The following OVCH1 variants were observed in gnomAD, a reference collection of about 807,000 sequenced individuals.
OVCH1 encodes the protein ovochymase 1.
Under a neutral mutation model 138.4 loss-of-function variants are expected in OVCH1, and 139 were observed. The observed-to-expected ratio is 1.00, with a 90% CI of 0.87 to 1.16. OVCH1 has a LOEUF of 1.16. Among genes scored for constraint, OVCH1 ranks in the 50% most tolerant of loss-of-function variants. OVCH1 has a pLI of 0.00. For synonymous variants in OVCH1, 453 were observed against 467.8 expected, an observed-to-expected ratio of 0.97 and a Z score of 0.41; for missense variants, 1,367 against 1,357.9, an observed-to-expected ratio of 1.01 and a Z score of -0.11.
At chr12:29,459,865 T>C (rs1942074368) in intron 19 of OVCH1, among the ~76,000 whole-genome samples, 1 of 152,226 alleles carries the variant, frequency 6.6e-6, no homozygotes, top group Non-Finnish European at 1.5e-5. Context: ...GAAAACCCCA[T>C]GTCTCTGCAT....
exon 4 of OVCH1, chr12:29,495,457 C>T: frequency 1.2e-6 from 2 of 1,610,766 alleles, no homozygotes; most frequent in South Asian, 2.2e-5. Flanking sequence ...TCAGCTGCTT[C>T]CTAAAACCAA....
At chr12:29,494,861 T>C (rs1647483323) in intron 4 of OVCH1, among the ~76,000 whole-genome samples, 1 of 152,084 alleles carries the variant, frequency 6.6e-6, no homozygotes, top group Admixed American at 6.6e-5. Flanking sequence ...CGGATACAAA[T>C]ATACACTTAG....
chr12:29,472,938 T>C (rs1942564535), intron 15 of OVCH1, 91 bp downstream of exon 15: 3 of 1,097,968 alleles, frequency 2.7e-6, no homozygotes, highest in South Asian at 2.9e-5. Flanking sequence ...TGTGGAGTTA[T>C]AGCCAATGTA....
Position 29,436,911 on chromosome 12 carries a change from A to G in OVCH1, c.3264+2417T>C, listed in dbSNP as rs558991950. Among the ~76,000 whole-genome samples, 193 of 152,284 alleles carry G rather than the reference A, an allele frequency of 1.3e-3. 1 individual carries two copies. The highest frequency in any genetic ancestry group is 4.6e-3 in the African/African-American group (190 of 41,544). On this transcript the variant is annotated intron_variant, in intron 26 of 27. Transcript: ENST00000318184. Reference sequence around the variant, plus strand: ...AAGAACAAAGCTTCCACAGCATGGAAAGGGACCCAAGCGGGTTGCTGCTGC... The same window carrying G: ...AAGAACAAAGCTTCCACAGCATGGAGAGGGACCCAAGCGGGTTGCTGCTGC...
intron 27 of OVCH1, among the ~76,000 whole-genome samples, chr12:29,432,948 A>G (rs569338591): frequency 1.5e-4 from 23 of 152,272 alleles, no homozygotes; most frequent in African/African-American, 5.5e-4. Context: ...AACAGTGTCC[A>G]TGAAATGGTA....
chr12:29,442,539 G>A (rs1941513855), intron 25 of OVCH1, among the ~76,000 whole-genome samples: 1 of 150,450 alleles, frequency 6.6e-6, no homozygotes, highest in Non-Finnish European at 1.5e-5. Flanking sequence ...GAGTTAATGG[G>A]TGCAGCACAC....
At chr12:29,453,412 GCTC>G (rs774823059) in intron 21 of OVCH1, among the ~76,000 whole-genome samples, 2 of 152,010 alleles carry the variant, frequency 1.3e-5, no homozygotes, top group Admixed American at 6.6e-5. Context: ...AAGTTTCCCA[GCTC>G]CTCAATTTTC....
the OVCH1 span, among the ~76,000 whole-genome samples, chr12:29,406,460 C>T: frequency 1.3e-5 from 2 of 152,164 alleles, no homozygotes; most frequent in Non-Finnish European, 2.9e-5. Context: ...TCCCTCCCCT[C>T]CAACCCCACA....
chr12:29,423,875 ACCT>A (rs1666402573), downstream of OVCH1, among the ~76,000 whole-genome samples: 1 of 152,212 alleles, frequency 6.6e-6, no homozygotes, highest in South Asian at 2.1e-4. Flanking sequence ...GTGATGGGGA[ACCT>A]TGGAGATGCT....
chr12:29,471,560 G>T (rs1208762483), intron 16 of OVCH1, among the ~76,000 whole-genome samples: 1 of 152,164 alleles, frequency 6.6e-6, no homozygotes, highest in Non-Finnish European at 1.5e-5. Context: ...GTGGATTTCT[G>T]CAATTGGGAA....
At position 29,491,918 on chromosome 12, in the gene OVCH1, T is replaced by G. The variant is rs1187623500; in HGVS notation, c.455-726A>C. 5.9e-5 allele frequency among the ~76,000 whole-genome samples: 9 copies of G among 152,178 alleles called. 1 individual carries two copies. Among genetic ancestry groups the G allele is most frequent in the Admixed American group, 5.9e-4 (9 of 15,274 alleles). On this transcript the variant is annotated intron_variant, in intron 4 of 27. Transcript: ENST00000318184. ...GATCAAATTATCACGTGGCAAGCAC[T>G]CTTTTAGATCTCAACGAATGAACAG... is the stretch of plus-strand genomic sequence containing the variant.
In OVCH1 at chr12:29,485,189, T is replaced by C. The variant is rs559423619; in HGVS notation, c.995+1057A>G. Among the ~76,000 whole-genome samples, 4 of 151,694 alleles carry C rather than the reference T, an allele frequency of 2.6e-5. No homozygotes were observed. The South Asian group carries it at 8.4e-4, about 32-fold the overall frequency. ...AGTTTGAGACCAAGCCTGGCCAACA[T>C]TAGTCAGGTGTGGTGGTCCATGCCT... On this transcript the variant is annotated intron_variant, in intron 8 of 27. Transcript: ENST00000318184.
At chr12:29,488,620 C>CAGAAAA (rs1943183223) in intron 6 of OVCH1, among the ~76,000 whole-genome samples, 1 of 61,752 alleles carries the variant, frequency 1.6e-5, no homozygotes, top group African/African-American at 6.8e-5. Flanking sequence ...GACTCCATCT[C>CAGAAAA]AAAAAAAAAA....
At chr12:29,409,297 T>C (rs988948722), downstream of OVCH1, among the ~76,000 whole-genome samples, 1 of 152,146 alleles carries the variant, frequency 6.6e-6, no homozygotes, top group African/African-American at 2.4e-5. Context: ...TTTTTTGTGT[T>C]TCTATTTCCT....
At chr12:29,421,354 T>G (rs1032642118) in intron 3 of OVCH1, among the ~76,000 whole-genome samples, 1 of 152,344 alleles carries the variant, frequency 6.6e-6, no homozygotes, top group East Asian at 1.9e-4. Context: ...ATTATAAAAG[T>G]CTATTAAAAT....
chr12:29,454,890 T>C (rs772346341), exon 21 of OVCH1: 4 of 1,612,920 alleles, frequency 2.5e-6, no homozygotes, highest in Non-Finnish European at 3.4e-6. Flanking sequence ...GCAATTGTTG[T>C]TTTAAGGTTT....
chr12:29,413,928 C>A (rs1940996865), intron 3 of OVCH1, among the ~76,000 whole-genome samples: 1 of 152,044 alleles, frequency 6.6e-6, no homozygotes, highest in East Asian at 1.9e-4. Context: ...TCTATCATTT[C>A]ACTTTCTGCC....
chr12:29,423,782 A>G (rs1941138772), downstream of OVCH1, among the ~76,000 whole-genome samples: 1 of 152,226 alleles, frequency 6.6e-6, no homozygotes. Context: ...ACGGTATCTC[A>G]GAAATCCGAG....
At chr12:29,417,762 TGTGTG>T (rs1461660777) in intron 3 of OVCH1, among the ~76,000 whole-genome samples, 1 of 11,548 alleles carries the variant, frequency 8.7e-5, no homozygotes, top group African/African-American at 3.5e-4. Flanking sequence ...GGCCTACAAG[TGTGTG>T]TGTGTGTGTG....
Sources: allele counts gnomAD v4.1 joint callset (sites outside exome capture counted in the v4.1 genomes callset), GRCh38; gene constraint gnomAD v4.1.1; transcripts MANE v1.5; gene names NCBI Gene and HGNC (gene_info 2026-07-23, HGNC 2026-07-21).